The following HABP2 variants were observed in gnomAD, a reference collection of about 807,000 sequenced individuals.
HABP2 encodes factor VII-activating protease.
HABP2 carries 65 observed loss-of-function variants against 66.5 expected under a neutral mutation model. The observed-to-expected ratio is 0.98, with a 90% CI of 0.80 to 1.20. HABP2 has a LOEUF of 1.20. HABP2 is among the 50% of genes most tolerant of loss of function. The pLI is 0.00. For missense variants in HABP2, 786 were observed against 691.0 expected (o/e 1.14, Z -1.54); for synonymous variants, 263 against 253.9 (o/e 1.04, Z -0.34).
At chr10:113,583,973 G>A (rs531623519) in intron 10 of HABP2, among the ~76,000 whole-genome samples, 175 bp from the exon 11 acceptor site, 2 of 152,184 alleles carry the variant, frequency 1.3e-5, no homozygotes, top group Non-Finnish European at 2.9e-5. Context: ...GCCCTGAAGT[G>A]TTACTCCTTC....
At chr10:113,578,571 TGGGAGTGG>T in intron 6 of HABP2, 48 bp from the exon 7 acceptor site, 1 of 1,276,182 alleles carries the variant, frequency 7.8e-7, no homozygotes, top group Admixed American at 1.9e-5. Flanking sequence ...AAGCCCTTTT[TGGGAGTGG>T]CATGCCAATG....
intron 9 of HABP2, 49 bp from the exon 10 acceptor site, chr10:113,583,167 C>T: frequency 6.3e-7 from 1 of 1,589,542 alleles, no homozygotes; most frequent in Non-Finnish European, 8.6e-7. Context: ...AAAGGCCACA[C>T]AGCTGAGCAG....
intron 2 of HABP2, among the ~76,000 whole-genome samples, chr10:113,567,998 T>C (rs1175303681): frequency 6.6e-6 from 1 of 152,234 alleles, no homozygotes; most frequent in Admixed American, 6.5e-5. Flanking sequence ...TGCTGTTGTC[T>C]TCTCTGCCCA....
At chr10:113,564,832 C>T (rs11575649) in intron 1 of HABP2, among the ~76,000 whole-genome samples, 48,839 of 151,066 alleles carry the variant, frequency 0.32, 9,202 homozygotes, top group East Asian at 0.51. Flanking sequence ...ATCACTCTAC[C>T]TCACCACGCA....
At chr10:113,560,745 A>G (rs1235970382) in intron 1 of HABP2, among the ~76,000 whole-genome samples, 1 of 152,232 alleles carries the variant, frequency 6.6e-6, no homozygotes, top group Non-Finnish European at 1.5e-5. Flanking sequence ...AACACGATGC[A>G]CAGTGAAATA....
Position 113,583,422 on chromosome 10 carries a change from A to T in HABP2, c.1237+64A>T. ...CTGGGTGGATTTCTCTATGACCAGAAAGCTGAAGTTTGGTTCTAGAAGGTG... is the reference window on the plus strand; with the variant it reads ...CTGGGTGGATTTCTCTATGACCAGATAGCTGAAGTTTGGTTCTAGAAGGTG... On this transcript the variant is annotated intron_variant, in intron 10 of 12. Coordinates refer to ENST00000351270, the MANE Select transcript of HABP2 (RefSeq NM_004132.5). The T allele has an allele frequency of 2.0e-6, 3 of 1,468,010 alleles. No homozygotes were observed. The East Asian group carries it at 6.8e-5, about 33-fold the overall frequency. The allele number at this position is 1,468,010 out of a possible 1,614,324, so 90.9% of individuals were successfully genotyped here.
rs766265038 is a variant in HABP2, at chr10:113,574,332, T to C, written c.150T>C (p.Asn50=). ...DQYDYSYEDY[N]QEENTSSTLT... The stretch of plus-strand genomic sequence containing the variant: ...ATGATTACAGCTACGAGGATTATAA[T>C]CAGGAAGAGAACACCAGTAGCACAC... Residue 50 remains asparagine, a synonymous_variant, in exon 3 of 13, where the codon AAT becomes AAC. Coordinates refer to ENST00000351270, the MANE Select transcript of HABP2 (RefSeq NM_004132.5). 6.2e-7 allele frequency: 1 copy of C among 1,608,114 alleles called. No individual in the cohort carries two copies. Among genetic ancestry groups the C allele is most frequent in the East Asian group, 2.2e-5 (1 of 44,854 alleles).
intron 1 of HABP2, among the ~76,000 whole-genome samples, chr10:113,558,958 G>A (rs746568868): frequency 2.0e-5 from 3 of 152,032 alleles, no homozygotes; most frequent in African/African-American, 7.2e-5. Context: ...AGGTTAAAGC[G>A]ATTCTCCTGA....
At chr10:113,576,298 T>C (rs890769551) in intron 4 of HABP2, among the ~76,000 whole-genome samples, 5 of 152,112 alleles carry the variant, frequency 3.3e-5, no homozygotes, top group African/African-American at 1.2e-4. Flanking sequence ...GCTTAGAGTT[T>C]AGTCTAACTG....
At chr10:113,567,336 T>C (rs1383989664) in intron 1 of HABP2, 153 bp from the exon 2 acceptor site, 3 of 674,890 alleles carry the variant, frequency 4.4e-6, no homozygotes, top group African/African-American at 1.8e-5. Flanking sequence ...ATAGACCCCA[T>C]TGCCCCTCCC....
At chr10:113,562,547 C>T (rs3824791) in intron 1 of HABP2, among the ~76,000 whole-genome samples, 35,776 of 150,948 alleles carry the variant, frequency 0.24, 5,341 homozygotes, top group East Asian at 0.51. Flanking sequence ...CAGGTTCAAG[C>T]GATTCTTGTG....
chr10:113,551,828 T>TAA, upstream of HABP2, among the ~76,000 whole-genome samples: 1 of 150,372 alleles, frequency 6.7e-6, no homozygotes, highest in Non-Finnish European at 1.5e-5. Context: ...ATAATAATAA[T>TAA]AAAAAGAAAA....
Position 113,586,034 on chromosome 10 carries a change from A to G in HABP2, c.1518+96A>G, listed in dbSNP as rs1034541501. ...GAGCCCTGGGCTGGGAGCTAGGTTC[A>G]GAGGTCCACCTGTGGTAAAGCTAAG... is the stretch of plus-strand genomic sequence containing the variant. On this transcript the variant is annotated intron_variant, in intron 12 of 12. Coordinates refer to ENST00000351270, the MANE Select transcript of HABP2 (RefSeq NM_004132.5). 4.5e-5 allele frequency: 49 copies of G among 1,100,924 alleles called. 2 individuals are homozygous for G. The Admixed American group carries it at 8.2e-4, about 18-fold the overall frequency. The allele number at this position is 1,100,924 out of a possible 1,614,324, so 68.2% of individuals were successfully genotyped here. A position where few individuals can be genotyped will look rare whatever the true frequency, so the allele number is the denominator to read the frequency against.
intron 1 of HABP2, among the ~76,000 whole-genome samples, chr10:113,567,221 C>T (rs1292572131): frequency 1.3e-5 from 2 of 152,178 alleles, no homozygotes; most frequent in African/African-American, 4.8e-5. Flanking sequence ...TGTTCCAAAG[C>T]AAGGACAGGT....
Position 113,563,015 on chromosome 10 carries a change from G to C in HABP2, c.70-4474G>C, listed in dbSNP as rs79723217. On this transcript the variant is annotated intron_variant, in intron 1 of 12. Coordinates refer to ENST00000351270, the MANE Select transcript of HABP2 (RefSeq NM_004132.5). ...CTTAATATCTGAAAACCTCAGTTTT[G>C]TCACCTCTAAATTGGATATAATCAT... Among the ~76,000 whole-genome samples, 530 of 152,258 alleles carry C rather than the reference G, an allele frequency of 3.5e-3. 3 individuals are homozygous for C. The highest frequency in any genetic ancestry group is 0.012 in the African/African-American group (504 of 41,548).
intron 2 of HABP2, among the ~76,000 whole-genome samples, chr10:113,568,564 C>T (rs984883234): frequency 2.6e-5 from 4 of 152,124 alleles, no homozygotes; most frequent in Admixed American, 2.0e-4. Context: ...TGAGAAAATC[C>T]GTGTCTTTCC....
Position 113,588,489 on chromosome 10 carries a change from T to G in HABP2, c.*120T>G. 2 of 703,018 alleles carry G rather than the reference T, an allele frequency of 2.8e-6. No individual in the cohort carries two copies. Among genetic ancestry groups the G allele is most frequent in the South Asian group, 4.5e-5 (2 of 44,820 alleles). 43.5% of individuals were successfully genotyped at this position (703,018 alleles called of 1,614,324 possible). A position where few individuals can be genotyped will look rare whatever the true frequency, so the allele number is the denominator to read the frequency against. On this transcript the variant is annotated 3_prime_UTR_variant, in exon 13 of 13. Transcript: ENST00000351270. ...GGACCACACAGTAGACTATCCCTAC[T>G]CTAAGCAGAGACAACTGCCACCCAG...
intron 9 of HABP2, among the ~76,000 whole-genome samples, chr10:113,582,350 G>A (rs1224783239): frequency 6.6e-6 from 1 of 152,230 alleles, no homozygotes. Context: ...AATCCTTAAA[G>A]CTGTCTGCTG....
chr10:113,566,055 C>T (rs992666965), intron 1 of HABP2, among the ~76,000 whole-genome samples: 3 of 152,136 alleles, frequency 2.0e-5, no homozygotes, highest in African/African-American at 7.2e-5. Flanking sequence ...TGTAAGGAAG[C>T]CTACAGTAAA....
Sources: allele counts gnomAD v4.1 joint callset (sites outside exome capture counted in the v4.1 genomes callset), GRCh38; gene constraint gnomAD v4.1.1; transcripts MANE v1.5; gene names NCBI Gene and HGNC (gene_info 2026-07-23, HGNC 2026-07-21).